The following NPAT variants were observed in gnomAD, a reference collection of about 807,000 sequenced individuals.
The protein encoded by NPAT is nuclear protein, coactivator of histone transcription.
A neutral mutation model predicts 130.7 loss-of-function variants in NPAT; 52 were observed. The ratio of observed to expected loss-of-function variants is 0.40; its 90% CI spans 0.32 to 0.50. The LOEUF (loss-of-function observed/expected upper bound fraction) is 0.50. Among genes scored for constraint, NPAT ranks in the 20% least tolerant of loss-of-function variants. NPAT has a pLI of 0.68. For synonymous variants in NPAT, 580 were observed against 584.8 expected (o/e 0.99, Z 0.12); for missense variants, 1,687 against 1,662.6 (o/e 1.01, Z -0.26).
rs1353938097 is a variant in NPAT at position 108,176,140 on chromosome 11, T to C, written c.1132+106A>G. On this transcript the variant is annotated intron_variant, in intron 12 of 17. Transcript: ENST00000278612. ...GAGAGAAAAATACAAAAATGACCTATAACAATCTGAACAACTTCTACTTCC... is the reference window on the plus strand; with the variant it reads ...GAGAGAAAAATACAAAAATGACCTACAACAATCTGAACAACTTCTACTTCC... 9 of 867,858 alleles carry C rather than the reference T, an allele frequency of 1.0e-5. No individual in the cohort carries two copies. In the East Asian group the frequency reaches 1.3e-4, roughly 12 times the overall value. 53.8% of individuals were successfully genotyped at this position (867,858 alleles called of 1,614,324 possible).
chr11:108,184,547 T>C (rs549667951), intron 10 of NPAT, among the ~76,000 whole-genome samples: 30 of 152,200 alleles, frequency 2.0e-4, no homozygotes, highest in Non-Finnish European at 3.7e-4. Flanking sequence ...TCTTATTTTT[T>C]TGAGACAGGG....
At chr11:108,182,359 TG>T (rs912557170) in intron 10 of NPAT, among the ~76,000 whole-genome samples, 4 of 152,214 alleles carry the variant, frequency 2.6e-5, no homozygotes, top group Non-Finnish European at 5.9e-5. Context: ...TCATGACCCC[TG>T]GAATTTTACA....
chr11:108,195,540 T>C (rs1479150541), intron 2 of NPAT, among the ~76,000 whole-genome samples: 8 of 152,362 alleles, frequency 5.3e-5, no homozygotes, highest in Admixed American at 3.9e-4. Flanking sequence ...TAAAAAATTG[T>C]TTGGTTTTTG....
At chr11:108,197,500 A>G in intron 1 of NPAT, 80 bp from the exon 2 acceptor site, 1 of 894,674 alleles carries the variant, frequency 1.1e-6, no homozygotes, top group Non-Finnish European at 1.9e-6. Context: ...ATGCTGTAGC[A>G]TGTACTGATG....
rs2134837461 is a variant in NPAT at position 108,173,350 on chromosome 11, G to T, written c.1634C>A (p.Ser545Tyr). The T allele has an allele frequency of 6.2e-7, 1 of 1,613,260 alleles. No individual in the cohort carries two copies. The highest frequency in any genetic ancestry group is 2.2e-5 in the East Asian group (1 of 44,846). ...SQDTSLTGKP[S>Y]KKSQFCENSN... is the part of the protein sequence containing the mutation. The stretch of plus-strand genomic sequence containing the variant: ...ATTTTCACAAAATTGACTTTTTTTA[G>T]ATGGCTTTCCAGTTAATGAAGTATC... The change falls in exon 13 of 18, where the codon TCT becomes TAT. Residue 545 changes from serine (S) to tyrosine (Y), a missense_variant. Coordinates refer to ENST00000278612, the MANE Select transcript of NPAT (RefSeq NM_002519.3).
In NPAT at chr11:108,173,645, C is replaced by T. The variant is rs35504388; in HGVS notation, c.1339G>A (p.Val447Met). ...KCDIDITFESVPNLNDFNQRG... is the reference protein window; with the variant it reads ...KCDIDITFESMPNLNDFNQRG... The stretch of plus-strand genomic sequence containing the variant: ...TGGTTAAAGTCATTCAAATTAGGCA[C>T]GGACTCAAAGGTAATGTCAATGTCA... The change falls in exon 13 of 18, where the codon GTG (valine) becomes ATG (methionine). Residue 447 changes from valine (V) to methionine (M), a missense_variant. By Grantham distance (21) the Val-to-Met change is conservative (BLOSUM62 1). Coordinates refer to ENST00000278612, the MANE Select transcript of NPAT (RefSeq NM_002519.3). 888 of 1,614,146 alleles carry T rather than the reference C, an allele frequency of 5.5e-4. 3 individuals are homozygous for T. In the African/African-American group the frequency reaches 8.7e-3, roughly 16 times the overall value.
At chr11:108,163,059 GATTT>G (rs3081748) in intron 15 of NPAT, among the ~76,000 whole-genome samples, 3,305 of 149,048 alleles carry the variant, frequency 0.022, 69 homozygotes, top group African/African-American at 0.046. Flanking sequence ...TCCTTTAAGA[GATTT>G]ATTTATTTAT....
At chr11:108,177,183 G>A in intron 10 of NPAT, 93 bp from the exon 11 acceptor site, 1 of 572,350 alleles carries the variant, frequency 1.7e-6, no homozygotes, top group Non-Finnish European at 2.9e-6. Context: ...TCACTCTTTT[G>A]CTCAGGCTGG....
At position 108,173,467 on chromosome 11, in the gene NPAT, T is replaced by A; in HGVS notation, c.1517A>T (p.Asp506Val). The change falls in exon 13 of 18, where the codon GAT becomes GTT. Residue 506 changes from aspartate to valine, a missense_variant. By Grantham distance (152) the Asp-to-Val change is radical. This residue lies in a region of NPAT where 1,379 missense variants were observed against 1,346.6 expected (regional missense o/e 1.02). Transcript: ENST00000278612. ...TGAAACAAATGAAGTTATTGGTATA[T>A]CAGGCTGATCAGGCTGTAACTGAGA... ...SESQLQPDQP[D>V]IPITSFVSLG... The A allele has an allele frequency of 6.2e-7, 1 of 1,614,184 alleles. No homozygotes were observed. Among genetic ancestry groups the A allele is most frequent in the African/African-American group, 1.3e-5 (1 of 75,068 alleles).
Position 108,161,834 on chromosome 11 carries a change from C to T in NPAT, c.3252G>A (p.Val1084=), listed in dbSNP as rs1402935283. 6.2e-7 allele frequency: 1 copy of T among 1,613,952 alleles called. No homozygotes were observed. Among genetic ancestry groups the T allele is most frequent in the Non-Finnish European group, 8.5e-7 (1 of 1,180,030 alleles). The change falls in exon 17 of 18, where the codon GTG becomes GTA. Residue 1084 remains valine, a synonymous_variant. Coordinates refer to ENST00000278612, the MANE Select transcript of NPAT (RefSeq NM_002519.3). The stretch of plus-strand genomic sequence containing the variant: ...CTGCATTCCTTTCTTTGTTTTGGGA[C>T]ACCATCTTATGGTTTGGCCCCTGCG... ...ANTQGPNHKM[V]SQNKERNAVS...
intron 10 of NPAT, among the ~76,000 whole-genome samples, chr11:108,182,383 G>GT (rs2078066382): frequency 6.6e-6 from 1 of 152,188 alleles, no homozygotes; most frequent in African/African-American, 2.4e-5. Context: ...TTATTATCCT[G>GT]TTTGTAGCCT....
In NPAT at chr11:108,161,848, T is replaced by G. The variant is rs368693876; in HGVS notation, c.3238A>C (p.Asn1080His). Reference protein sequence around the residue: ...TAPVANTQGPNHKMVSQNKER... With the variant: ...TAPVANTQGPHHKMVSQNKER... ...TTGTTTTGGGACACCATCTTATGGTTTGGCCCCTGCGTATTTGCCACAGGA... is the reference window on the plus strand; with the variant it reads ...TTGTTTTGGGACACCATCTTATGGTGTGGCCCCTGCGTATTTGCCACAGGA... Residue 1080 changes from asparagine to histidine, a missense_variant, in exon 17 of 18, where the codon AAC (asparagine) becomes CAC (histidine). Physicochemically the swap from Asn to His is moderately conservative, Grantham distance 68 (BLOSUM62 1). Around this residue, in one of 3 missense-constraint regions of NPAT, gnomAD observed 1,379 missense variants for 1,346.6 expected, o/e 1.02. Coordinates refer to ENST00000278612, the MANE Select transcript of NPAT (RefSeq NM_002519.3). 1 of 1,614,152 alleles carries G rather than the reference T, an allele frequency of 6.2e-7. No homozygotes were observed. The highest frequency in any genetic ancestry group is 8.5e-7 in the Non-Finnish European group (1 of 1,180,030).
chr11:108,173,685 G>A lies in NPAT; in HGVS notation c.1299C>T (p.Pro433=). 1 of 1,614,094 alleles carries A rather than the reference G, an allele frequency of 6.2e-7. No homozygotes were observed. The highest frequency in any genetic ancestry group is 8.5e-7 in the Non-Finnish European group (1 of 1,180,016). The change falls in exon 13 of 18, where the codon CCC becomes CCT. Residue 433 remains proline, a synonymous_variant. Coordinates refer to ENST00000278612, the MANE Select transcript of NPAT (RefSeq NM_002519.3). ...TGTCAATGTCACACTTCTGTTCAGT[G>A]GGTACAGCTGTTTTAAAGGCCTTTT... ...IQKKAFKTAV[P]TEQKCDIDIT...
Position 108,157,477 on chromosome 11 carries a change from G to A in NPAT, c.*1465C>T, listed in dbSNP as rs1591379845. On this transcript the variant is annotated 3_prime_UTR_variant, in exon 18 of 18. Coordinates refer to ENST00000278612, the MANE Select transcript of NPAT (RefSeq NM_002519.3). ...ATAAACATTAACTATATGATATTTAGTTCCTTAGGAATAGACCACTGCCAC... is the reference window on the plus strand; with the variant it reads ...ATAAACATTAACTATATGATATTTAATTCCTTAGGAATAGACCACTGCCAC... 1 of 152,190 alleles carries A rather than the reference G, an allele frequency of 6.6e-6. No individual in the cohort carries two copies. Among genetic ancestry groups the A allele is most frequent in the South Asian group, 2.1e-4 (1 of 4,826 alleles). 9.4% of individuals were successfully genotyped at this position (152,190 alleles called of 1,614,324 possible). A position where few individuals can be genotyped will look rare whatever the true frequency, so the allele number is the denominator to read the frequency against.
intron 15 of NPAT, among the ~76,000 whole-genome samples, chr11:108,165,472 A>ATTTTT (rs377194780): frequency 1.2e-4 from 16 of 129,780 alleles, no homozygotes; most frequent in African/African-American, 4.1e-4. Context: ...ATATATATAT[A>ATTTTT]TTTTTTTTTT....
chr11:108,165,816 G>GT (rs1234449777), intron 15 of NPAT, among the ~76,000 whole-genome samples: 1 of 151,736 alleles, frequency 6.6e-6, no homozygotes, highest in African/African-American at 2.4e-5. Flanking sequence ...TGTATTTTTA[G>GT]TAGAGACGGG....
chr11:108,197,524 C>T, intron 1 of NPAT, 104 bp from the exon 2 acceptor site: 1 of 805,130 alleles, frequency 1.2e-6, no homozygotes, highest in Non-Finnish European at 2.2e-6. Context: ...CAATTGAAAC[C>T]TTAGGTGGAA....
At chr11:108,196,888 C>T (rs2078227011) in intron 2 of NPAT, among the ~76,000 whole-genome samples, 1 of 152,108 alleles carries the variant, frequency 6.6e-6, no homozygotes. Context: ...TGATGTAGTT[C>T]TGGAAGGTAT....
At chr11:108,201,711 C>A (rs2078276882) in intron 1 of NPAT, among the ~76,000 whole-genome samples, 1 of 152,234 alleles carries the variant, frequency 6.6e-6, no homozygotes, top group Admixed American at 6.5e-5. Flanking sequence ...GGCAGGACTG[C>A]TGTTCTCTAA....
Sources: allele counts gnomAD v4.1 joint callset (sites outside exome capture counted in the v4.1 genomes callset), GRCh38; gene constraint gnomAD v4.1.1; regional missense constraint gnomAD v4.1.1; transcripts MANE v1.5; gene names NCBI Gene and HGNC (gene_info 2026-07-23, HGNC 2026-07-21).